The following LTBP1 variants were observed in gnomAD, a reference collection of about 807,000 sequenced individuals.
LTBP1 encodes latent transforming growth factor beta binding protein 1, also known as latent-transforming growth factor beta-binding protein 1.
LTBP1 carries 129 observed loss-of-function variants against 207.6 expected under a neutral mutation model. The observed-to-expected ratio is 0.62, with a 90% CI of 0.54 to 0.72. LTBP1 has a LOEUF of 0.72. Ranked by LOEUF, LTBP1 falls within the 30% of genes least tolerant of loss-of-function variation. LTBP1 has a pLI of 0.00. For missense variants in LTBP1, 2,281 were observed against 2,217.2 expected, an observed-to-expected ratio of 1.03 and a Z score of -0.58; for synonymous variants, 963 against 833.7, an observed-to-expected ratio of 1.16 and a Z score of -2.67.
intron 2 of LTBP1, among the ~76,000 whole-genome samples, chr2:32,998,493 A>G (rs1048540531): frequency 4.2e-5 from 5 of 118,342 alleles, no homozygotes; most frequent in Admixed American, 1.2e-4. Context: ...CAGCCTGGCA[A>G]CAGAGTGAGA....
chr2:33,380,633 G>A (rs1380380940), intron 31 of LTBP1, among the ~76,000 whole-genome samples: 1 of 152,046 alleles, frequency 6.6e-6, no homozygotes, highest in Non-Finnish European at 1.5e-5. Context: ...GGACCTTCGA[G>A]ATCATCTAGT....
chr2:33,389,903 G>A (rs1178580785), intron 32 of LTBP1, among the ~76,000 whole-genome samples: 1 of 152,164 alleles, frequency 6.6e-6, no homozygotes, highest in Non-Finnish European at 1.5e-5. Flanking sequence ...CTCCCAAAGT[G>A]CTGGGATTAC....
intron 5 of LTBP1, among the ~76,000 whole-genome samples, chr2:33,176,380 C>T (rs979035838): frequency 6.6e-6 from 1 of 152,034 alleles, no homozygotes; most frequent in African/African-American, 2.4e-5. Flanking sequence ...CGCCCGCCAC[C>T]ACGCCCGGCT....
chr2:33,019,460 C>T (rs1258605540), intron 2 of LTBP1, among the ~76,000 whole-genome samples: 1 of 150,730 alleles, frequency 6.6e-6, no homozygotes, highest in Non-Finnish European at 1.5e-5. Flanking sequence ...CTCAGCCTTC[C>T]GAGAACTGGG....
At chr2:33,345,049 G>T (rs1233990912) in intron 25 of LTBP1, among the ~76,000 whole-genome samples, 2 of 152,146 alleles carry the variant, frequency 1.3e-5, no homozygotes, top group Non-Finnish European at 2.9e-5. Flanking sequence ...CATTTTATTT[G>T]TGTTTGTATT....
intron 3 of LTBP1, among the ~76,000 whole-genome samples, chr2:33,060,030 G>A (rs1032344917): frequency 1.3e-5 from 2 of 152,158 alleles, no homozygotes; most frequent in South Asian, 2.1e-4. Context: ...TTGTTGGTTC[G>A]GGCAATGTCA....
intron 2 of LTBP1, among the ~76,000 whole-genome samples, chr2:32,961,599 C>T (rs1040574702): frequency 2.0e-5 from 3 of 152,128 alleles, no homozygotes; most frequent in African/African-American, 7.2e-5. Context: ...TAGTCATTGA[C>T]TCCGCCTGCC....
intron 2 of LTBP1, among the ~76,000 whole-genome samples, chr2:32,958,747 C>G (rs897587951): frequency 5.3e-5 from 8 of 152,082 alleles, no homozygotes; most frequent in African/African-American, 1.9e-4. Flanking sequence ...ACTTGTTTTT[C>G]TTTCCTGCTT....
At chr2:33,333,198 TA>T (rs1291644794) in intron 24 of LTBP1, among the ~76,000 whole-genome samples, 1 of 152,126 alleles carries the variant, frequency 6.6e-6, no homozygotes, top group African/African-American at 2.4e-5. Context: ...AAGTGATTTT[TA>T]AAAAGCAGTG....
At chr2:33,156,903 T>G (rs78985633) in intron 5 of LTBP1, among the ~76,000 whole-genome samples, 1 of 152,224 alleles carries the variant, frequency 6.6e-6, no homozygotes, top group Admixed American at 6.5e-5. Context: ...TGTATATATA[T>G]TTAATGAATT....
chr2:33,170,571 C>G (rs1230781394), intron 5 of LTBP1, among the ~76,000 whole-genome samples: 1 of 152,252 alleles, frequency 6.6e-6, no homozygotes, highest in East Asian at 1.9e-4. Flanking sequence ...GGCTCCACCT[C>G]TGGGGGCAGG....
chr2:33,088,472 A>C (rs1035365783), intron 3 of LTBP1, among the ~76,000 whole-genome samples: 1 of 151,786 alleles, frequency 6.6e-6, no homozygotes. Flanking sequence ...AAAAAAAAGG[A>C]CCAGTGTGTT....
chr2:33,260,704 C>G (rs1193167444), intron 13 of LTBP1, among the ~76,000 whole-genome samples: 1 of 152,110 alleles, frequency 6.6e-6, no homozygotes, highest in East Asian at 1.9e-4. Context: ...ACTTTTGAAG[C>G]TCTTAGCATC....
chr2:33,232,356 C>T (rs757968896), intron 9 of LTBP1, among the ~76,000 whole-genome samples: 2 of 152,108 alleles, frequency 1.3e-5, no homozygotes, highest in South Asian at 4.1e-4. Context: ...AGAGTTTGAT[C>T]AAGGAGAGCA....
intron 3 of LTBP1, among the ~76,000 whole-genome samples, chr2:33,080,834 G>GTA (rs2078351274): frequency 6.6e-6 from 1 of 152,070 alleles, no homozygotes; most frequent in Non-Finnish European, 1.5e-5. Flanking sequence ...TATATCATGC[G>GTA]TATATACACA....
chr2:33,189,215 A>T (rs2087562128), intron 7 of LTBP1, among the ~76,000 whole-genome samples: 1 of 151,502 alleles, frequency 6.6e-6, no homozygotes, highest in Non-Finnish European at 1.5e-5. Flanking sequence ...TGATTGATTG[A>T]GTTGGAGTCT....
chr2:33,304,644 G>T (rs1347318944), intron 22 of LTBP1, among the ~76,000 whole-genome samples: 1 of 152,148 alleles, frequency 6.6e-6, no homozygotes, highest in African/African-American at 2.4e-5. Context: ...CAAAGGCTCT[G>T]CCTGTGACTT....
rs188576343 is a variant in LTBP1, at chr2:33,374,336, T to G, written c.4711+8833T>G. 3.0e-4 allele frequency among the ~76,000 whole-genome samples: 46 copies of G among 152,304 alleles called. 1 individual carries two copies. The highest frequency in any genetic ancestry group is 2.9e-3 in the Admixed American group (44 of 15,292). ...TGTGACATTGCACTGGGCACATTAC[T>G]TCAACCTCCTTTATCCAAAGTTGAG... On this transcript the variant is annotated intron_variant, in intron 31 of 33. Coordinates refer to ENST00000404816, the MANE Select transcript of LTBP1 (RefSeq NM_206943.4).
At position 33,257,409 on chromosome 2, in the gene LTBP1, G is replaced by T. The variant is rs192585297; in HGVS notation, c.2293G>T (p.Val765Phe). ...TGTCAAGCCAAAGAACACTCAACCT[G>T]TTGCTAAAAGTACTCATCCTCCACC... is the stretch of plus-strand genomic sequence containing the variant. ...VFVKPKNTQP[V>F]AKSTHPPPLP... Residue 765 changes from valine to phenylalanine, a missense_variant, in exon 12 of 34, where the codon GTT (valine) becomes TTT (phenylalanine). Coordinates refer to ENST00000404816, the MANE Select transcript of LTBP1 (RefSeq NM_206943.4). The T allele has an allele frequency of 1.2e-6, 2 of 1,614,198 alleles. No homozygotes were observed. Among genetic ancestry groups the T allele is most frequent in the Non-Finnish European group, 1.7e-6 (2 of 1,180,026 alleles).
Sources: gnomAD v4.1 joint callset for allele counts (sites outside exome capture counted in the v4.1 genomes callset) on GRCh38, gnomAD v4.1.1 for gene constraint, MANE v1.5 for transcripts, NCBI Gene and HGNC (gene_info 2026-07-23, HGNC 2026-07-21) for gene names.